RNF24: variants seen among roughly 807,000 people sequenced by gnomAD.
RNF24 encodes ring finger protein 24.
RNF24 carries 14 observed loss-of-function variants against 20.0 expected under a neutral mutation model. The ratio of observed to expected loss-of-function variants is 0.70; its 90% CI spans 0.46 to 1.10. RNF24 has a LOEUF of 1.10. RNF24 is among the 50% of genes least tolerant of loss of function. The probability of loss-of-function intolerance (pLI) is 0.00; values close to 1 mark genes in which losing one functional copy is unlikely to be tolerated. For missense variants in RNF24, 124 were observed against 177.6 expected (o/e 0.70, Z 1.71); for synonymous variants, 45 against 61.1 (o/e 0.74, Z 1.23).
chr20:4,012,537 T>C (rs1055254461), intron 1 of RNF24, among the ~76,000 whole-genome samples: 8 of 152,214 alleles, frequency 5.3e-5, no homozygotes, highest in Non-Finnish European at 1.0e-4. Flanking sequence ...TAGATCCTAG[T>C]TAACAAAGTG....
At chr20:3,963,274 C>T (rs1315186180) in intron 2 of RNF24, among the ~76,000 whole-genome samples, 1 of 152,074 alleles carries the variant, frequency 6.6e-6, no homozygotes, top group Admixed American at 6.5e-5. Flanking sequence ...CTCACTGCAA[C>T]CTCCACCTCC....
chr20:3,991,497 C>T (rs931155364), intron 1 of RNF24, among the ~76,000 whole-genome samples: 9 of 152,134 alleles, frequency 5.9e-5, no homozygotes, highest in Non-Finnish European at 1.2e-4. Context: ...CATGATCCGC[C>T]TGCCTAAGTC....
intron 1 of RNF24, among the ~76,000 whole-genome samples, chr20:3,998,772 T>TAA (rs1361822317): frequency 2.1e-4 from 5 of 24,048 alleles, no homozygotes; most frequent in African/African-American, 8.3e-4. Context: ...TAAAATTAAA[T>TAA]TAAAAAAAAT....
chr20:3,943,588 A>C (rs2090982547), intron 4 of RNF24, among the ~76,000 whole-genome samples: 1 of 152,246 alleles, frequency 6.6e-6, no homozygotes, highest in Non-Finnish European at 1.5e-5. Flanking sequence ...CAATGAAGAA[A>C]GCAACTCACC....
intron 1 of RNF24, among the ~76,000 whole-genome samples, chr20:3,987,065 T>A (rs1979989242): frequency 6.6e-6 from 1 of 152,192 alleles, no homozygotes; most frequent in South Asian, 2.1e-4. Flanking sequence ...AAGCCACAAC[T>A]CCCAGCCCTA....
Position 3,932,597 on chromosome 20 carries a change from G to C in RNF24, c.*1466C>G, listed in dbSNP as rs190798113. ...AAATCCTGGAGTCATGCCAAGAGCA[G>C]AGTAGCAAAGCTCCCTCCATCCATT... On this transcript the variant is annotated 3_prime_UTR_variant, in exon 6 of 6. Coordinates refer to ENST00000358395, the MANE Select transcript of RNF24 (RefSeq NM_001134337.3). The C allele has an allele frequency of 6.3e-4, 149 of 238,242 alleles. 1 individual carries two copies. Among genetic ancestry groups the C allele is most frequent in the African/African-American group, 3.2e-3 (144 of 45,040 alleles). 14.8% of individuals were successfully genotyped at this position (238,242 alleles called of 1,614,324 possible). A position where few individuals can be genotyped will look rare whatever the true frequency, so the allele number is the denominator to read the frequency against.
chr20:4,002,940 T>C (rs1981533125), intron 1 of RNF24, among the ~76,000 whole-genome samples: 1 of 152,122 alleles, frequency 6.6e-6, no homozygotes, highest in South Asian at 2.1e-4. Flanking sequence ...ACAGCTGCAT[T>C]CTGAACTGAA....
chr20:3,960,515 A>T (rs1215127956), intron 2 of RNF24, among the ~76,000 whole-genome samples: 1 of 151,962 alleles, frequency 6.6e-6, no homozygotes, highest in African/African-American at 2.4e-5. Context: ...TAAAAATACA[A>T]AATTTAGCTG....
At chr20:3,990,733 G>A (rs1353555343) in intron 1 of RNF24, among the ~76,000 whole-genome samples, 1 of 151,954 alleles carries the variant, frequency 6.6e-6, no homozygotes, top group African/African-American at 2.4e-5. Context: ...TTAATTAGCT[G>A]GGCATGGTGG....
intron 1 of RNF24, among the ~76,000 whole-genome samples, chr20:3,997,776 G>T (rs1441981711): frequency 2.6e-5 from 4 of 152,058 alleles, no homozygotes; most frequent in Non-Finnish European, 5.9e-5. Context: ...CACTACATTA[G>T]GCAACTAATT....
At position 3,932,904 on chromosome 20, in the gene RNF24, T is replaced by C. The variant is rs542204225; in HGVS notation, c.*1159A>G. ...GCGTTTCTCTCCTATAAAGACACTT[T>C]CACTTTCAGTTTCGGAAGTCCAAAT... On this transcript the variant is annotated 3_prime_UTR_variant, in exon 6 of 6. Transcript: ENST00000358395. The C allele has an allele frequency of 3.9e-3, 1,546 of 398,602 alleles. 9 individuals carry two copies. Among genetic ancestry groups the C allele is most frequent in the Non-Finnish European group, 4.0e-3 (894 of 226,052 alleles). 24.7% of individuals were successfully genotyped at this position (398,602 alleles called of 1,614,324 possible).
intron 1 of RNF24, among the ~76,000 whole-genome samples, chr20:4,000,812 T>A (rs1981323274): frequency 6.6e-6 from 1 of 152,208 alleles, no homozygotes; most frequent in Non-Finnish European, 1.5e-5. Flanking sequence ...ACTGGAATAT[T>A]CAATGATAAT....
At chr20:3,976,848 T>C (rs1351443177) in intron 1 of RNF24, among the ~76,000 whole-genome samples, 1 of 152,242 alleles carries the variant, frequency 6.6e-6, no homozygotes, top group African/African-American at 2.4e-5. Flanking sequence ...AAACCTTCTG[T>C]ATGTTGACTG....
At chr20:3,936,704 C>T (rs1433505526) in intron 4 of RNF24, among the ~76,000 whole-genome samples, 1 of 152,248 alleles carries the variant, frequency 6.6e-6, no homozygotes, top group Middle Eastern at 3.2e-3. Flanking sequence ...GCCCCGCCTT[C>T]CGACACAGGG....
chr20:3,931,802 AG>A lies in RNF24; in HGVS notation c.*2260del, dbSNP rs1827024850. ...AGGTGGTGCTGAGTGCAGAGTGCAG[AG>A]CATTCTTGTGCTCTCCTCTCATGGC... On this transcript the variant is annotated 3_prime_UTR_variant, in exon 6 of 6. Coordinates refer to ENST00000358395, the MANE Select transcript of RNF24 (RefSeq NM_001134337.3). The A allele has an allele frequency of 6.6e-6, 1 of 152,252 alleles. No individual in the cohort carries two copies. Among genetic ancestry groups the A allele is most frequent in the South Asian group, 2.1e-4 (1 of 4,828 alleles). 9.4% of individuals were successfully genotyped at this position (152,252 alleles called of 1,614,324 possible).
In RNF24 at chr20:4,015,468, G is replaced by A. The variant is rs1264856534; in HGVS notation, c.-39C>T. On this transcript the variant is annotated 5_prime_UTR_variant, in exon 1 of 6. Coordinates refer to ENST00000358395, the MANE Select transcript of RNF24 (RefSeq NM_001134337.3). Reference sequence around the variant, plus strand: ...GCGCCGGTGGCAGCGGCAGACGTGCGGGACCGTCAGCGCCCTGCGGCGGGC... The same window carrying A: ...GCGCCGGTGGCAGCGGCAGACGTGCAGGACCGTCAGCGCCCTGCGGCGGGC... The A allele has an allele frequency of 4.0e-5, 6 of 151,378 alleles. No individual in the cohort carries two copies. The highest frequency in any genetic ancestry group is 1.4e-4 in the African/African-American group (6 of 41,416). 9.4% of individuals were successfully genotyped at this position (151,378 alleles called of 1,614,324 possible).
intron 3 of RNF24, among the ~76,000 whole-genome samples, chr20:3,947,563 C>T (rs749346078): frequency 5.3e-5 from 8 of 152,102 alleles, no homozygotes; most frequent in South Asian, 4.1e-4. Flanking sequence ...CGCTCACCTC[C>T]GAGGAACTGC....
chr20:3,969,397 G>A (rs1407843266), intron 1 of RNF24, among the ~76,000 whole-genome samples: 1 of 151,864 alleles, frequency 6.6e-6, no homozygotes, highest in Non-Finnish European at 1.5e-5. Context: ...AGGGACCTGG[G>A]GACCCAAGGA....
Position 3,930,240 on chromosome 20 carries a change from A to T in RNF24, c.*3823T>A, listed in dbSNP as rs1025360129. The T allele has an allele frequency of 6.6e-6, 1 of 152,230 alleles. No homozygotes were observed. The highest frequency in any genetic ancestry group is 1.5e-5 in the Non-Finnish European group (1 of 68,048). The allele number at this position is 152,230 out of a possible 1,614,324, so 9.4% of individuals were successfully genotyped here. On this transcript the variant is annotated 3_prime_UTR_variant, in exon 6 of 6. Coordinates refer to ENST00000358395, the MANE Select transcript of RNF24 (RefSeq NM_001134337.3). ...TTAAGAAAGAAATATTCAGCACTGA[A>T]CAACCAAGTCAGAGTTCACTGTGGG...
Sources: gnomAD v4.1 joint callset for allele counts (sites outside exome capture counted in the v4.1 genomes callset) on GRCh38, gnomAD v4.1.1 for gene constraint, MANE v1.5 for transcripts, NCBI Gene and HGNC (gene_info 2026-07-23, HGNC 2026-07-21) for gene names.